RANBP2: variants seen among roughly 807,000 people sequenced by gnomAD.
RANBP2 encodes the protein E3 SUMO-protein ligase RanBP2.
In RANBP2, 57 loss-of-function variants were observed where a neutral mutation model predicts 303.6. The ratio of observed to expected loss-of-function variants is 0.19; its 90% CI spans 0.15 to 0.23. The LOEUF is 0.23. Among genes scored for constraint, RANBP2 ranks in the 10% least tolerant of loss-of-function variants. RANBP2 has a pLI of 1.00. For missense variants in RANBP2, 3,138 were observed against 3,780.8 expected, an observed-to-expected ratio of 0.83 and a Z score of 4.46; for synonymous variants, 1,167 against 1,301.5, an observed-to-expected ratio of 0.90 and a Z score of 2.23.
chr2:108,798,413 G>A, the RANBP2 span: 1 of 1,600,094 alleles, frequency 6.2e-7, no homozygotes, highest in Non-Finnish European at 8.5e-7. Flanking sequence ...ATTAAAGTCT[G>A]GCATTTTGAT....
chr2:108,960,886 G>A, the RANBP2 span, among the ~76,000 whole-genome samples: 2 of 152,134 alleles, frequency 1.3e-5, no homozygotes, highest in African/African-American at 2.4e-5. Context: ...TCCACCATGT[G>A]GATGTACCAA....
the RANBP2 span, among the ~76,000 whole-genome samples, chr2:109,344,215 T>A: frequency 6.6e-6 from 1 of 152,118 alleles, no homozygotes; most frequent in African/African-American, 2.4e-5. Context: ...CTGGGGGCCT[T>A]AGTGGCGTAG....
chr2:108,894,904 G>T, the RANBP2 span: 1 of 152,186 alleles, frequency 6.6e-6, no homozygotes. Flanking sequence ...CAGGAGCAGA[G>T]AACAGCCACC....
At chr2:109,032,453 T>C in the RANBP2 span, among the ~76,000 whole-genome samples, 3 of 152,218 alleles carry the variant, frequency 2.0e-5, no homozygotes, top group African/African-American at 7.2e-5. Context: ...CTGGTGAAAC[T>C]GCTCCTTGGG....
At chr2:109,646,417 C>T in the RANBP2 span, among the ~76,000 whole-genome samples, 2 of 152,134 alleles carry the variant, frequency 1.3e-5, no homozygotes, top group African/African-American at 4.8e-5. Context: ...GCATCATGCC[C>T]AACCACACTG....
the RANBP2 span, among the ~76,000 whole-genome samples, chr2:109,062,115 C>T: frequency 6.6e-6 from 1 of 152,182 alleles, no homozygotes; most frequent in African/African-American, 2.4e-5. Flanking sequence ...ATCTGTTTCT[C>T]TCCCTCTCCC....
chr2:108,995,817 T>G, the RANBP2 span, among the ~76,000 whole-genome samples: 1,080 of 152,244 alleles, frequency 7.1e-3, 14 homozygotes, highest in African/African-American at 0.025. Flanking sequence ...ACATGACAGC[T>G]GGGTAGACAT....
chr2:109,472,565 C>T, the RANBP2 span, among the ~76,000 whole-genome samples: 9 of 152,152 alleles, frequency 5.9e-5, no homozygotes, highest in African/African-American at 1.9e-4. Context: ...AACCGACCTG[C>T]GGCTGCCTTC....
the RANBP2 span, among the ~76,000 whole-genome samples, chr2:109,373,956 C>T: frequency 0.019 from 2,917 of 152,222 alleles, 92 homozygotes; most frequent in African/African-American, 0.061. Context: ...GGCTCTCTGT[C>T]ATCTCTTCCT....
the RANBP2 span, among the ~76,000 whole-genome samples, chr2:109,674,002 ACTAT>A: frequency 1.5e-4 from 23 of 152,108 alleles, no homozygotes; most frequent in Non-Finnish European, 2.9e-4. Flanking sequence ...CAGCTGAGAT[ACTAT>A]CTGTTTTGTG....
the RANBP2 span, among the ~76,000 whole-genome samples, chr2:109,000,765 C>T: frequency 6.6e-6 from 1 of 152,182 alleles, no homozygotes; most frequent in Non-Finnish European, 1.5e-5. Flanking sequence ...TGTGACTTAT[C>T]TCATACAACC....
At chr2:108,768,529 T>C in intron 20 of RANBP2, 141 bp downstream of exon 20, 1 of 1,493,616 alleles carries the variant, frequency 6.7e-7, no homozygotes, top group Non-Finnish European at 9.0e-7. Context: ...CAATTTTTTT[T>C]CTCCCTTAAT....
the RANBP2 span, chr2:108,885,084 T>A: frequency 6.6e-6 from 1 of 152,248 alleles, no homozygotes; most frequent in South Asian, 2.1e-4. Flanking sequence ...TAATTACTAA[T>A]CAGTGTCTTT....
chr2:108,956,663 A>G, the RANBP2 span, among the ~76,000 whole-genome samples: 1 of 152,174 alleles, frequency 6.6e-6, no homozygotes, highest in Non-Finnish European at 1.5e-5. Flanking sequence ...CCACCTTCTT[A>G]TGCCACCAGA....
the RANBP2 span, chr2:108,896,827 T>G: frequency 2.1e-6 from 3 of 1,404,244 alleles, no homozygotes; most frequent in Non-Finnish European, 2.0e-6. Context: ...TTCTTGGCAG[T>G]CTTTTGGCAC....
At chr2:109,206,490 CAA>C in the RANBP2 span, among the ~76,000 whole-genome samples, 24 of 40,756 alleles carry the variant, frequency 5.9e-4, no homozygotes, top group African/African-American at 1.8e-3. Context: ...GACTCCGTCT[CAA>C]AAAAAAAAAA....
At chr2:109,296,207 C>A in the RANBP2 span, among the ~76,000 whole-genome samples, 1 of 151,610 alleles carries the variant, frequency 6.6e-6, no homozygotes, top group South Asian at 2.1e-4. Flanking sequence ...GGCTTCCACT[C>A]TAAACAGAAT....
the RANBP2 span, among the ~76,000 whole-genome samples, chr2:109,708,265 A>C: frequency 1.3e-5 from 2 of 151,686 alleles, no homozygotes; most frequent in African/African-American, 4.8e-5. Flanking sequence ...ACACGCCTGT[A>C]GTCCCAGCTA....
chr2:108,777,820 G>A (rs1462457139), intron 25 of RANBP2, among the ~76,000 whole-genome samples: 5 of 151,898 alleles, frequency 3.3e-5, no homozygotes, highest in Non-Finnish European at 4.4e-5. Flanking sequence ...CTTTCACATT[G>A]CTCTTTATAG....
Sources: gnomAD v4.1 joint callset for allele counts (sites outside exome capture counted in the v4.1 genomes callset) on GRCh38, gnomAD v4.1.1 for gene constraint, MANE v1.5 for transcripts, NCBI Gene and HGNC (gene_info 2026-07-23, HGNC 2026-07-21) for gene names.